VPS9D1: variants seen among roughly 807,000 people sequenced by gnomAD.
VPS9D1 encodes VPS9 domain containing 1.
A neutral mutation model predicts 75.8 loss-of-function variants in VPS9D1; 78 were observed. That is an observed-to-expected ratio of 1.03 (90% CI 0.86 to 1.24). The LOEUF is 1.24. Ranked by LOEUF, VPS9D1 falls within the 50% of genes most tolerant of loss-of-function variation. The probability of loss-of-function intolerance (pLI) is 0.00; values close to 1 mark genes in which losing one functional copy is unlikely to be tolerated. For synonymous variants in VPS9D1, 481 were observed against 385.6 expected (o/e 1.25, Z -2.90); for missense variants, 1,057 against 847.7 (o/e 1.25, Z -3.07).
chr16:89,712,628 G>C lies in VPS9D1; in HGVS notation c.520C>G (p.Gln174Glu). 1.2e-6 allele frequency: 2 copies of C among 1,610,580 alleles called. No individual in the cohort carries two copies. Among genetic ancestry groups the C allele is most frequent in the Non-Finnish European group, 1.7e-6 (2 of 1,178,304 alleles). ...EARMARLDPSQAMQKTSLTLS... is the reference protein window; with the variant it reads ...EARMARLDPSEAMQKTSLTLS... Reference sequence around the variant, plus strand: ...ACCAGGGATGTCTTCTGCATGGCCTGGCTGGGGTCTAGCCGCGCCATTCGG... The same window carrying C: ...ACCAGGGATGTCTTCTGCATGGCCTCGCTGGGGTCTAGCCGCGCCATTCGG... The change falls in exon 5 of 15, where the codon CAG becomes GAG. Residue 174 changes from glutamine (Q) to glutamate (E), a missense_variant. Transcript: ENST00000389386.
chr16:89,713,452 C>T (rs1340331733), intron 4 of VPS9D1, among the ~76,000 whole-genome samples: 9 of 150,956 alleles, frequency 6.0e-5, no homozygotes, highest in African/African-American at 1.7e-4. Flanking sequence ...GACGGGGTTT[C>T]ACCGCATTAA....
intron 2 of VPS9D1, among the ~76,000 whole-genome samples, chr16:89,718,659 A>G (rs879575516): frequency 3.3e-5 from 5 of 151,938 alleles, no homozygotes; most frequent in Admixed American, 1.3e-4. Flanking sequence ...TAGGATGCCC[A>G]CAATTTGTCC....
intron 1 of VPS9D1, 84 bp downstream of exon 1, chr16:89,720,679 C>G (rs2151650034): frequency 7.8e-7 from 1 of 1,282,694 alleles, no homozygotes; most frequent in East Asian, 3.4e-5. Flanking sequence ...CCAGCCCGAG[C>G]CGGCCCCGTC....
chr16:89,712,720 G>C lies in VPS9D1; in HGVS notation c.432-4C>G. The C allele has an allele frequency of 6.3e-7, 1 of 1,584,940 alleles. No individual in the cohort carries two copies. The highest frequency in any genetic ancestry group is 1.8e-5 in the Admixed American group (1 of 56,500). On this transcript the variant is annotated splice_region_variant and splice_polypyrimidine_tract_variant and intron_variant, in intron 4 of 14. Transcript: ENST00000389386. Reference sequence around the variant, plus strand: ...CTCCTCCAGTGGCGTCAGCTCTCTGGAAATGTGACAAGCTGCTGTCTAGAC... The same window carrying C: ...CTCCTCCAGTGGCGTCAGCTCTCTGCAAATGTGACAAGCTGCTGTCTAGAC...
intron 2 of VPS9D1, chr16:89,717,821 T>C (rs1247233687): frequency 2.2e-6 from 1 of 456,678 alleles, no homozygotes; most frequent in Non-Finnish European, 4.4e-6. Flanking sequence ...GGGCAACTGT[T>C]AGCTCCCCCT....
intron 11 of VPS9D1, 102 bp downstream of exon 11, chr16:89,709,675 G>T: frequency 6.4e-7 from 1 of 1,562,716 alleles, no homozygotes; most frequent in Non-Finnish European, 8.7e-7. Flanking sequence ...GAGTCTTGGG[G>T]ATGGAGGGGA....
intron 14 of VPS9D1, 106 bp downstream of exon 14, chr16:89,708,321 C>A: frequency 8.9e-7 from 1 of 1,120,986 alleles, no homozygotes; most frequent in East Asian, 2.6e-5. Context: ...TGTGACGGAG[C>A]CACACGCTAC....
At position 89,707,893 on chromosome 16, in the gene VPS9D1, C is replaced by G. The variant is rs2060827429; in HGVS notation, c.1864G>C (p.Glu622Gln). Residue 622 changes from glutamate to glutamine, a missense_variant, in exon 15 of 15, where the codon GAG becomes CAG. Coordinates refer to ENST00000389386, the MANE Select transcript of VPS9D1 (RefSeq NM_004913.3). The part of the protein sequence containing the change: ...TSLQSALSYV[E>Q]LLPRGGLAK ...GCCAGGCCTCCCCGGGGCAGCAGCT[C>G]CACGTAGCTCAGGGCACTCTGCAGT... 7 of 1,613,162 alleles carry G rather than the reference C, an allele frequency of 4.3e-6. No homozygotes were observed. Among genetic ancestry groups the G allele is most frequent in the South Asian group, 1.1e-5 (1 of 91,078 alleles).
At chr16:89,718,272 T>TG (rs1334852813) in intron 2 of VPS9D1, 1 of 360,848 alleles carries the variant, frequency 2.8e-6, no homozygotes, top group Non-Finnish European at 5.5e-6. Flanking sequence ...CCATCCTGGG[T>TG]GGTCTGGCCA....
chr16:89,711,158 G>T, intron 9 of VPS9D1, 148 bp from the exon 10 acceptor site: 1 of 1,187,282 alleles, frequency 8.4e-7, no homozygotes, highest in Non-Finnish European at 1.1e-6. Flanking sequence ...CCCCGCTGGG[G>T]AGGTTGGAGA....
chr16:89,710,642 GGCT>G lies in VPS9D1; in HGVS notation c.1199_1201del (p.Gln400del). ...CTTCAGCTGCTGCAGCTGGGGCTCC[GGCT>G]GTACCCCACGGCCCCGGCCCTGCCG... On this transcript the variant is annotated inframe_deletion, in exon 10 of 15. Transcript: ENST00000389386. 6.2e-7 allele frequency: 1 copy of G among 1,611,604 alleles called. No individual in the cohort carries two copies. Among genetic ancestry groups the G allele is most frequent in the Non-Finnish European group, 8.5e-7 (1 of 1,179,106 alleles).
chr16:89,715,348 T>A (rs34714188), intron 4 of VPS9D1, among the ~76,000 whole-genome samples: 7,247 of 150,264 alleles, frequency 0.048, 223 homozygotes, highest in Non-Finnish European at 0.073. Flanking sequence ...TGCCTCAGCC[T>A]CCTGAGTAGC....
Position 89,708,885 on chromosome 16 carries a change from C to T in VPS9D1, c.1669G>A (p.Gly557Arg), listed in dbSNP as rs771231445. ...CPTPEATPQA[G>R]PPPIAAAAIG... ...GCAGCTGCAGCGATGGGCGGGGGCC[C>T]GGCCTGGGGTGTGGCCTCTGGGGTG... Residue 557 changes from glycine (G) to arginine (R), a missense_variant, in exon 13 of 15, where the codon GGG becomes AGG. By Grantham distance (125) the Gly-to-Arg change is moderately radical (BLOSUM62 -2). Transcript: ENST00000389386. 80 of 1,587,670 alleles carry T rather than the reference C, an allele frequency of 5.0e-5. No individual in the cohort carries two copies. The highest frequency in any genetic ancestry group is 1.5e-4 in the Admixed American group (8 of 51,698).
chr16:89,712,859 A>G, intron 4 of VPS9D1, 143 bp from the exon 5 acceptor site: 3 of 674,020 alleles, frequency 4.5e-6, no homozygotes. Context: ...GGTGGGCTGC[A>G]ACATCTGCCC....
Position 89,710,891 on chromosome 16 carries a change from G to T in VPS9D1, c.953C>A (p.Pro318His). Residue 318 changes from proline (P) to histidine (H), a missense_variant, in exon 10 of 15, where the codon CCC (proline) becomes CAC (histidine). Transcript: ENST00000389386. ...APAPGCCPPT[P>H]NPGSRRLRPS... ...CCGCAGCCGTCGGCTTCCGGGGTTG[G>T]GGGTCGGGGGGCAGCAGCCTGGGGC... The T allele has an allele frequency of 6.7e-7, 1 of 1,499,064 alleles. No homozygotes were observed. Among genetic ancestry groups the T allele is most frequent in the South Asian group, 1.3e-5 (1 of 78,060 alleles). 92.9% of individuals were successfully genotyped at this position (1,499,064 alleles called of 1,614,324 possible). A position where few individuals can be genotyped will look rare whatever the true frequency, so the allele number is the denominator to read the frequency against.
At chr16:89,709,684 GAGCAGACAGTGCCAGGGAGCAGGGC>G in intron 11 of VPS9D1, 68 bp downstream of exon 11, 1 of 1,581,932 alleles carries the variant, frequency 6.3e-7, no homozygotes, top group South Asian at 1.1e-5. Flanking sequence ...GGATGGAGGG[GAGCAGACAGTGCCAGGGAGCAGGGC>G]AGGCCTCCTG....
chr16:89,719,250 T>C (rs770447341), intron 1 of VPS9D1, 148 bp from the exon 2 acceptor site: 33 of 774,086 alleles, frequency 4.3e-5, no homozygotes, highest in Non-Finnish European at 6.9e-5. Context: ...CCTGCGGTGG[T>C]TAGCTGCAGC....
At chr16:89,715,939 A>G (rs2061055143) in intron 4 of VPS9D1, among the ~76,000 whole-genome samples, 1 of 151,808 alleles carries the variant, frequency 6.6e-6, no homozygotes, top group Non-Finnish European at 1.5e-5. Flanking sequence ...GGCCTCCTAC[A>G]GTGCTGGGAT....
Position 89,711,931 on chromosome 16 carries a change from C to T in VPS9D1, c.698G>A (p.Arg233Gln). Reference protein sequence around the residue: ...CSQVALTPEEREQRALYAAIL... With the variant: ...CSQVALTPEEQEQRALYAAIL... ...GGCGGCGTAAAGGGCCCGCTGCTCC[C>T]GTTCCTCCGGGGTCAGGGCGACTTG... The change falls in exon 8 of 15, where the codon CGG becomes CAG. Residue 233 changes from arginine to glutamine, a missense_variant. Coordinates refer to ENST00000389386, the MANE Select transcript of VPS9D1 (RefSeq NM_004913.3). 1 of 1,551,666 alleles carries T rather than the reference C, an allele frequency of 6.4e-7. No homozygotes were observed.
Sources: allele counts gnomAD v4.1 joint callset (sites outside exome capture counted in the v4.1 genomes callset), GRCh38; gene constraint gnomAD v4.1.1; transcripts MANE v1.5; gene names NCBI Gene and HGNC (gene_info 2026-07-23, HGNC 2026-07-21).